Variants in FBXL13 observed in about 807,000 individuals in gnomAD.
FBXL13 encodes F-box and leucine rich repeat protein 13.
Under a neutral mutation model 83.6 loss-of-function variants are expected in FBXL13, and 67 were observed. That is an observed-to-expected ratio of 0.80 (90% CI 0.66 to 0.98). The LOEUF (loss-of-function observed/expected upper bound fraction) is 0.98, where lower values mean the gene tolerates loss of function less well. Among genes scored for constraint, FBXL13 ranks in the 50% least tolerant of loss-of-function variants. The probability of loss-of-function intolerance (pLI) is 0.00; values close to 1 mark genes in which losing one functional copy is unlikely to be tolerated. For missense variants in FBXL13, 822 were observed against 866.5 expected, an observed-to-expected ratio of 0.95 and a Z score of 0.64; for synonymous variants, 272 against 299.5, an observed-to-expected ratio of 0.91 and a Z score of 0.95.
intron 8 of FBXL13, chr7:102,944,739 A>G (rs376881631): frequency 2.1e-5 from 16 of 774,948 alleles, no homozygotes; most frequent in East Asian, 2.7e-5. Context: ...TTCTTTAATT[A>G]TAAGTATTAT....
At position 102,820,511 on chromosome 7, in the gene FBXL13, C is replaced by T. The variant is rs116943888; in HGVS notation, c.2018+1529G>A. On this transcript the variant is annotated intron_variant, in intron 19 of 19. Transcript: ENST00000313221. ...AAATCTAGGGACCTAGCAAGAAGAC[C>T]GAGCAGTTAAGGCAGGATTCGGATG... Among the ~76,000 whole-genome samples the T allele has an allele frequency of 0.011, 1,667 of 152,200 alleles. 98 individuals carry two copies. In the East Asian group the frequency reaches 0.17, roughly 15 times the overall value.
intron 2 of FBXL13, among the ~76,000 whole-genome samples, chr7:103,033,614 C>T (rs542197716): frequency 6.6e-6 from 1 of 152,124 alleles, no homozygotes; most frequent in African/African-American, 2.4e-5. Flanking sequence ...TGGAGTTGTT[C>T]GTTCCTCCTG....
intron 16 of FBXL13, among the ~76,000 whole-genome samples, chr7:102,867,703 T>A (rs1254946857): frequency 0.015 from 1,501 of 103,154 alleles, 10 homozygotes; most frequent in East Asian, 0.08. Flanking sequence ...ATATTTTTTT[T>A]TTTTTTTTTT....
chr7:102,877,842 T>C (rs890751558), intron 15 of FBXL13, among the ~76,000 whole-genome samples: 26 of 152,160 alleles, frequency 1.7e-4, no homozygotes, highest in African/African-American at 5.3e-4. Context: ...AAGGAAAAAA[T>C]ATGTCACATA....
At chr7:102,998,642 A>C (rs940348134) in intron 6 of FBXL13, among the ~76,000 whole-genome samples, 1 of 152,012 alleles carries the variant, frequency 6.6e-6, no homozygotes, top group Non-Finnish European at 1.5e-5. Context: ...CAGTTCTAAC[A>C]GTTTTTTGGT....
At chr7:103,042,849 C>A (rs1563262620) in intron 2 of FBXL13, among the ~76,000 whole-genome samples, 1 of 152,140 alleles carries the variant, frequency 6.6e-6, no homozygotes, top group South Asian at 2.1e-4. Context: ...AAATGTAAGA[C>A]CTAACACCAT....
rs751744146 is a variant in FBXL13, at chr7:102,834,086, A to AAAAGAAAGAAAG, written c.1720-1124_1720-1113dup. Among the ~76,000 whole-genome samples the AAAAGAAAGAAAG allele has an allele frequency of 9.4e-3, 881 of 93,644 alleles. 18 individuals carry two copies. Among genetic ancestry groups the AAAAGAAAGAAAG allele is most frequent in the Middle Eastern group, 0.019 (4 of 210 alleles). 61.4% of individuals were successfully genotyped at this position (93,644 alleles called of 152,430 possible). A position where few individuals can be genotyped will look rare whatever the true frequency, so the allele number is the denominator to read the frequency against. Reference sequence around the variant, plus strand: ...GAAGGAAGGAAGGAAGGAAGGAAAGAAAAGAAAGAAAGAAAGAAAGAAAGA... The same window carrying AAAAGAAAGAAAG: ...GAAGGAAGGAAGGAAGGAAGGAAAGAAAAGAAAGAAAGAAAGAAAGAAAGAAAGAAAGAAAGA... On this transcript the variant is annotated intron_variant, in intron 17 of 19. Coordinates refer to ENST00000313221, the Ensembl canonical transcript of FBXL13.
intron 6 of FBXL13, among the ~76,000 whole-genome samples, chr7:103,019,497 G>T (rs1354394730): frequency 6.6e-6 from 1 of 152,180 alleles, no homozygotes. Flanking sequence ...AGGAGATAGA[G>T]ACACAAAAAT....
rs967864398 is a variant in FBXL13, at chr7:103,033,465, G to A, written c.1-4047C>T. 5.3e-5 allele frequency among the ~76,000 whole-genome samples: 8 copies of A among 152,258 alleles called. No homozygotes were observed. The East Asian group carries it at 7.7e-4, about 15-fold the overall frequency. On this transcript the variant is annotated intron_variant, in intron 2 of 19. Transcript: ENST00000313221. The stretch of plus-strand genomic sequence containing the variant: ...GGTGAGTGTTACAGTTCTTAAAGGC[G>A]GCGTGTCTGGAGTTTGTTCCTTCTG...
At chr7:102,856,985 A>G (rs1051011774) in intron 16 of FBXL13, among the ~76,000 whole-genome samples, 1 of 152,224 alleles carries the variant, frequency 6.6e-6, no homozygotes, top group African/African-American at 2.4e-5. Flanking sequence ...TGCATTCTTC[A>G]ACAAATGGTG....
At chr7:103,004,441 T>C (rs1436719154) in intron 6 of FBXL13, among the ~76,000 whole-genome samples, 1 of 152,138 alleles carries the variant, frequency 6.6e-6, no homozygotes, top group Non-Finnish European at 1.5e-5. Context: ...TACAGCATGG[T>C]GCTGCTGAAC....
intron 11 of FBXL13, among the ~76,000 whole-genome samples, chr7:102,911,792 C>T (rs772498393): frequency 4.6e-5 from 7 of 152,290 alleles, no homozygotes; most frequent in East Asian, 1.9e-4. Flanking sequence ...CTGAGGAGAA[C>T]GTCAATGCCA....
rs376661867 is a variant in FBXL13 at position 102,921,301 on chromosome 7, G to C, written c.878+4973C>G. 7.4e-4 allele frequency among the ~76,000 whole-genome samples: 112 copies of C among 152,344 alleles called. 2 individuals carry two copies. The East Asian group carries it at 0.017, about 23-fold the overall frequency. ...ATAACATCAAAATAAAGAGAAGCTT[G>C]ATCATAATAGGCAACTAATATATCA... On this transcript the variant is annotated intron_variant, in intron 10 of 19. Coordinates refer to ENST00000313221, the Ensembl canonical transcript of FBXL13.
At chr7:102,890,592 T>C (rs528963144) in intron 11 of FBXL13, among the ~76,000 whole-genome samples, 88 of 152,350 alleles carry the variant, frequency 5.8e-4, no homozygotes, top group African/African-American at 2.0e-3. Context: ...TGTAAAGGAA[T>C]TGAGTTGTCA....
intron 6 of FBXL13, among the ~76,000 whole-genome samples, chr7:103,015,017 C>T (rs1792118376): frequency 6.6e-6 from 1 of 152,008 alleles, no homozygotes; most frequent in South Asian, 2.1e-4. Context: ...TAGGCTTCCT[C>T]CCTAAGATGC....
chr7:103,074,481 C>T (rs1000754246), exon 1 of FBXL13: 13 of 1,142,774 alleles, frequency 1.1e-5, no homozygotes, highest in Non-Finnish European at 1.4e-5. Context: ...CCACGTGCAG[C>T]CACCATCACC....
chr7:102,940,049 C>T (rs1160917768), intron 8 of FBXL13, among the ~76,000 whole-genome samples: 1 of 151,736 alleles, frequency 6.6e-6, no homozygotes, highest in African/African-American at 2.4e-5. Context: ...CATGTGCCAC[C>T]AGGCCTGGCT....
rs561168270 is a variant in FBXL13 at position 102,943,722 on chromosome 7, C to A, written c.725-11789G>T. ...ATTACATATACGTTTTCAGGACAAG[C>A]AATAACGAATCCTTAAGGAAGAAGA... On this transcript the variant is annotated intron_variant, in intron 8 of 19. Transcript: ENST00000313221. Among the ~76,000 whole-genome samples, 13 of 152,284 alleles carry A rather than the reference C, an allele frequency of 8.5e-5. No homozygotes were observed. The East Asian group carries it at 2.5e-3, about 29-fold the overall frequency.
intron 14 of FBXL13, among the ~76,000 whole-genome samples, chr7:102,879,533 T>C (rs1482236750): frequency 2.0e-5 from 3 of 151,862 alleles, no homozygotes; most frequent in African/African-American, 7.3e-5. Flanking sequence ...ATTGAGGTAA[T>C]GATCCAAATT....
Sources: allele counts gnomAD v4.1 joint callset (sites outside exome capture counted in the v4.1 genomes callset), GRCh38; gene constraint gnomAD v4.1.1; transcripts MANE v1.5; gene names NCBI Gene and HGNC (gene_info 2026-07-23, HGNC 2026-07-21).